ERBB4: variants seen among roughly 807,000 people sequenced by gnomAD.
ERBB4 encodes the protein receptor tyrosine-protein kinase erbB-4.
Under a neutral mutation model 158.0 loss-of-function variants are expected in ERBB4, and 42 were observed. The ratio of observed to expected loss-of-function variants is 0.27; its 90% CI spans 0.21 to 0.34. The LOEUF is 0.34. Among genes scored for constraint, ERBB4 ranks in the 10% least tolerant of loss-of-function variants. The pLI is 1.00. For synonymous variants in ERBB4, 583 were observed against 558.7 expected (o/e 1.04, Z -0.61); for missense variants, 1,333 against 1,624.1 (o/e 0.82, Z 3.08).
At chr2:211,580,800 AT>A (rs1254046489) in intron 19 of ERBB4, among the ~76,000 whole-genome samples, 21 of 14,456 alleles carry the variant, frequency 1.5e-3, no homozygotes, top group African/African-American at 3.3e-3. Context: ...ATATATATAT[AT>A]ATATATATAT....
At chr2:212,386,647 G>A (rs1362929621) in intron 1 of ERBB4, among the ~76,000 whole-genome samples, 1 of 149,038 alleles carries the variant, frequency 6.7e-6, no homozygotes, top group Non-Finnish European at 1.5e-5. Flanking sequence ...AAAATGAACA[G>A]AACTAGGCCC....
chr2:212,332,126 G>C (rs1235333835), intron 1 of ERBB4, among the ~76,000 whole-genome samples: 2 of 152,028 alleles, frequency 1.3e-5, no homozygotes, highest in Admixed American at 1.3e-4. Flanking sequence ...AATTTAACAT[G>C]AGGTACTGGG....
At chr2:212,276,470 A>C (rs2106134973) in intron 1 of ERBB4, among the ~76,000 whole-genome samples, 1 of 151,880 alleles carries the variant, frequency 6.6e-6, no homozygotes, top group South Asian at 2.1e-4. Flanking sequence ...GTAATTAAAC[A>C]GTCATGTAAG....
intron 19 of ERBB4, among the ~76,000 whole-genome samples, chr2:211,612,043 C>T (rs1163381420): frequency 2.6e-5 from 4 of 152,120 alleles, no homozygotes; most frequent in Non-Finnish European, 5.9e-5. Context: ...TCATCTGGCA[C>T]TCTAAATTCA....
At chr2:212,100,259 C>A (rs2079046119) in intron 2 of ERBB4, among the ~76,000 whole-genome samples, 1 of 152,114 alleles carries the variant, frequency 6.6e-6, no homozygotes, top group African/African-American at 2.4e-5. Context: ...GCAAAAGAAG[C>A]AGCATCAAAA....
At chr2:212,067,053 G>A (rs1206639038) in intron 2 of ERBB4, among the ~76,000 whole-genome samples, 1 of 151,780 alleles carries the variant, frequency 6.6e-6, no homozygotes, top group Non-Finnish European at 1.5e-5. Flanking sequence ...TTTGTTTTGA[G>A]GTTTAAGGAA....
intron 12 of ERBB4, among the ~76,000 whole-genome samples, chr2:211,681,456 T>A (rs2072331119): frequency 6.6e-6 from 1 of 152,186 alleles, no homozygotes; most frequent in African/African-American, 2.4e-5. Context: ...TCAAAGTAGT[T>A]GTACCATTTT....
chr2:211,753,778 A>G (rs999973989), intron 4 of ERBB4, among the ~76,000 whole-genome samples: 4 of 148,290 alleles, frequency 2.7e-5, no homozygotes, highest in Non-Finnish European at 1.5e-5. Flanking sequence ...CATATATTTT[A>G]ATGATAACCT....
At chr2:211,634,394 T>C (rs1349676679) in intron 16 of ERBB4, among the ~76,000 whole-genome samples, 5 of 152,368 alleles carry the variant, frequency 3.3e-5, no homozygotes, top group Non-Finnish European at 7.3e-5. Context: ...GTTAACATTA[T>C]GTACCATAAA....
intron 3 of ERBB4, among the ~76,000 whole-genome samples, chr2:211,790,641 T>A (rs1478887977): frequency 6.6e-6 from 1 of 152,066 alleles, no homozygotes; most frequent in Non-Finnish European, 1.5e-5. Flanking sequence ...CACGTTAACA[T>A]TTCAAATTAA....
intron 1 of ERBB4, among the ~76,000 whole-genome samples, chr2:212,383,799 G>A (rs1238390599): frequency 2.6e-5 from 4 of 151,712 alleles, no homozygotes; most frequent in South Asian, 2.1e-4. Flanking sequence ...CTGTGTTATC[G>A]AAGACAATTA....
intron 1 of ERBB4, among the ~76,000 whole-genome samples, chr2:212,312,644 A>G (rs2087100871): frequency 6.6e-6 from 1 of 150,986 alleles, no homozygotes; most frequent in Non-Finnish European, 1.5e-5. Flanking sequence ...GAATCCAAAT[A>G]TATTCAGAAA....
At chr2:211,706,969 T>C (rs10175273) in intron 9 of ERBB4, among the ~76,000 whole-genome samples, 52,912 of 152,096 alleles carry the variant, frequency 0.35, 10,738 homozygotes, top group Non-Finnish European at 0.47. Flanking sequence ...CTTTTTAATG[T>C]GCAAAGAATT....
At chr2:211,487,153 C>A (rs2065228036) in intron 20 of ERBB4, among the ~76,000 whole-genome samples, 1 of 124,500 alleles carries the variant, frequency 8.0e-6, no homozygotes, top group Admixed American at 9.4e-5. Context: ...CCCCTCCCCC[C>A]ACCCCACAAC....
chr2:211,971,552 A>G (rs774486329), intron 2 of ERBB4, among the ~76,000 whole-genome samples: 1 of 152,186 alleles, frequency 6.6e-6, no homozygotes, highest in Non-Finnish European at 1.5e-5. Flanking sequence ...AACTCATTCT[A>G]TGAGACCAGT....
chr2:211,521,195 A>G (rs115683961), intron 20 of ERBB4, among the ~76,000 whole-genome samples: 5,974 of 152,266 alleles, frequency 0.039, 174 homozygotes, highest in Non-Finnish European at 0.059. Flanking sequence ...CCCTTGCACC[A>G]AACAGATAGC....
chr2:211,678,285 GAAAAAACAAACAAACAAA>G (rs2072171025), intron 13 of ERBB4, among the ~76,000 whole-genome samples: 4 of 68,700 alleles, frequency 5.8e-5, no homozygotes, highest in African/African-American at 6.2e-5. Flanking sequence ...AAAGTGAGTA[GAAAAAACAAACAAACAAA>G]AAAAAACAAA....
intron 20 of ERBB4, among the ~76,000 whole-genome samples, chr2:211,500,380 G>A (rs1373319882): frequency 6.6e-6 from 1 of 152,024 alleles, no homozygotes; most frequent in Non-Finnish European, 1.5e-5. Context: ...CTTATTTACT[G>A]AGGAAGAAAA....
At chr2:211,674,868 T>C (rs971600205) in intron 13 of ERBB4, among the ~76,000 whole-genome samples, 1 of 152,160 alleles carries the variant, frequency 6.6e-6, no homozygotes, top group Non-Finnish European at 1.5e-5. Context: ...GTTTTCATAT[T>C]ACTAGAACAA....
Sources: allele counts gnomAD v4.1 joint callset (sites outside exome capture counted in the v4.1 genomes callset), GRCh38; gene constraint gnomAD v4.1.1; transcripts MANE v1.5; gene names NCBI Gene and HGNC (gene_info 2026-07-23, HGNC 2026-07-21).